Variants in DHX37 observed in about 807,000 individuals in gnomAD.
DHX37 encodes probable ATP-dependent RNA helicase DHX37.
Under a neutral mutation model 134.3 loss-of-function variants are expected in DHX37, and 52 were observed. The ratio of observed to expected loss-of-function variants is 0.39; its 90% confidence interval spans 0.31 to 0.49. The LOEUF (loss-of-function observed/expected upper bound fraction) is 0.49. Ranked by LOEUF, DHX37 falls within the 20% of genes least tolerant of loss-of-function variation. The probability of loss-of-function intolerance (pLI) is 0.93; values close to 1 mark genes in which losing one functional copy is unlikely to be tolerated. For missense variants in DHX37, 1,344 were observed against 1,580.8 expected, an observed-to-expected ratio of 0.85 and a Z score of 2.54; for synonymous variants, 634 against 670.7, an observed-to-expected ratio of 0.95 and a Z score of 0.85.
chr12:124,967,337 G>C, intron 10 of DHX37, 119 bp from the exon 11 acceptor site: 1 of 1,097,008 alleles, frequency 9.1e-7, no homozygotes, highest in Non-Finnish European at 1.3e-6. Context: ...GGGGAGGACA[G>C]GAGTACACAG....
rs201747826 is a variant in DHX37 at position 124,980,596 on chromosome 12, G to A, written c.632C>T (p.Pro211Leu). Reference sequence around the variant, plus strand: ...AGGAGGAGGAACAGTCATCCCAGCCGGCACGGGCTGACTGCTGGGTGCTGG... The same window carrying A: ...AGGAGGAGGAACAGTCATCCCAGCCAGCACGGGCTGACTGCTGGGTGCTGG... ...PAPAPSSQPVPAGMTVPPPPA... is the reference protein window; with the variant it reads ...PAPAPSSQPVLAGMTVPPPPA... Residue 211 changes from proline (P) to leucine (L), a missense_variant, in exon 4 of 27, where the codon CCG becomes CTG. By Grantham distance (98) the Pro-to-Leu change is moderately conservative. Transcript: ENST00000308736. This position sits in a 1 kb window ranked among gnomAD's most constrained non-coding sequence, Gnocchi z 5.3. The A allele has an allele frequency of 1.5e-4, 249 of 1,610,670 alleles. 2 individuals are homozygous for A. In the South Asian group the frequency reaches 2.1e-3, roughly 13 times the overall value.
intron 8 of DHX37, among the ~76,000 whole-genome samples, chr12:124,970,829 G>GC (rs1476341106): frequency 6.6e-6 from 1 of 150,772 alleles, no homozygotes; most frequent in African/African-American, 2.4e-5. Context: ...ATGAAGCCGC[G>GC]CCCCAGGGTG....
At chr12:124,965,994 C>A (rs922346719) in intron 12 of DHX37, among the ~76,000 whole-genome samples, 182 bp from the exon 13 acceptor site, 4 of 152,346 alleles carry the variant, frequency 2.6e-5, no homozygotes, top group Non-Finnish European at 4.4e-5. Context: ...ACATTGGGGA[C>A]TATCATAGAC....
At chr12:124,975,562 T>G in intron 5 of DHX37, 51 bp from the exon 6 acceptor site, 1 of 1,582,584 alleles carries the variant, frequency 6.3e-7, no homozygotes, top group Non-Finnish European at 8.6e-7. Context: ...CACCTGTTCA[T>G]GCCAAAGCCT....
chr12:124,980,011 T>C lies in DHX37; in HGVS notation c.738+479A>G, dbSNP rs1954722836. ...CTTTCCATGCCCCAAATCCTTTCAT[T>C]GTCATCACAACCCAGTGAGACACTC... is the stretch of plus-strand genomic sequence containing the variant. On this transcript the variant is annotated intron_variant, in intron 4 of 26. Transcript: ENST00000308736. This position sits in a 1 kb window ranked among gnomAD's most constrained non-coding sequence, Gnocchi z 5.3. 6.6e-6 allele frequency among the ~76,000 whole-genome samples: 1 copy of C among 152,238 alleles called. No individual in the cohort carries two copies. Among genetic ancestry groups the C allele is most frequent in the Non-Finnish European group, 1.5e-5 (1 of 68,038 alleles).
chr12:124,977,349 A>G lies in DHX37; in HGVS notation c.880T>C (p.Phe294Leu). The change falls in exon 5 of 27, where the codon TTC becomes CTC. Residue 294 changes from phenylalanine to leucine, a missense_variant. Coordinates refer to ENST00000308736, the MANE Select transcript of DHX37 (RefSeq NM_032656.4). ...QVPQFLYEAGFSSEDSIIGVT... is the reference protein window; with the variant it reads ...QVPQFLYEAGLSSEDSIIGVT... ...CCTGTGTCCAGCCCCTACCTGCTGA[A>G]GCCTGCTTCATAGAGAAACTGAGGC... 1 of 1,564,446 alleles carries G rather than the reference A, an allele frequency of 6.4e-7. No homozygotes were observed. The highest frequency in any genetic ancestry group is 8.6e-7 in the Non-Finnish European group (1 of 1,157,964).
chr12:124,947,996 C>T lies in DHX37; in HGVS notation c.3388+88G>A, dbSNP rs557330432. 2.3e-5 allele frequency: 37 copies of T among 1,613,488 alleles called. No individual in the cohort carries two copies. The East Asian group carries it at 4.7e-4, about 20-fold the overall frequency. On this transcript the variant is annotated intron_variant, in intron 26 of 26. Coordinates refer to ENST00000308736, the MANE Select transcript of DHX37 (RefSeq NM_032656.4). ...CGTGGGGCCAGATCCTTCTGCCAAG[C>T]CAGGGCTGACCGTGCACAAAGCACA...
intron 21 of DHX37, 149 bp from the exon 22 acceptor site, chr12:124,950,953 C>T (rs913879436): frequency 5.5e-5 from 66 of 1,198,666 alleles, no homozygotes; most frequent in South Asian, 1.7e-4. Context: ...CCCATCCACA[C>T]GCTGGAGTCT....
At position 124,954,156 on chromosome 12, in the gene DHX37, C is replaced by T; in HGVS notation, c.2509G>A (p.Ala837Thr). ...TRLKSKRARVAQMKRTWAGQG... is the reference protein window; with the variant it reads ...TRLKSKRARVTQMKRTWAGQG... ...CCTGCCCAGGTCCTCTTCATCTGGG[C>T]CACCCGGGCCCGCTTGCTCTTCAGC... Residue 837 changes from alanine to threonine, a missense_variant, in exon 19 of 27, where the codon GCC (alanine) becomes ACC (threonine). By Grantham distance (58) the Ala-to-Thr change is moderately conservative. Coordinates refer to ENST00000308736, the MANE Select transcript of DHX37 (RefSeq NM_032656.4). The T allele has an allele frequency of 6.2e-7, 1 of 1,612,200 alleles. No homozygotes were observed. The highest frequency in any genetic ancestry group is 8.5e-7 in the Non-Finnish European group (1 of 1,179,270).
In DHX37 at chr12:124,966,879, C is replaced by A; in HGVS notation, c.1505-1G>T. The A allele has an allele frequency of 6.2e-7, 1 of 1,614,228 alleles. No individual in the cohort carries two copies. Among genetic ancestry groups the A allele is most frequent in the South Asian group, 1.1e-5 (1 of 91,084 alleles). ...GAGTCTTTCTGATCGTCGTCCTTTT[C>A]TGGGAGAGGGGCAGGTTGGGGAGAA... On this transcript the variant is annotated splice_acceptor_variant, in intron 11 of 26. Transcript: ENST00000308736. LOFTEE classifies it high-confidence loss of function.
intron 6 of DHX37, among the ~76,000 whole-genome samples, chr12:124,973,726 C>T (rs1954569826): frequency 6.7e-6 from 1 of 150,238 alleles, no homozygotes; most frequent in Non-Finnish European, 1.5e-5. Context: ...ATGGCAACCT[C>T]CGCCTCTCGG....
In DHX37 at chr12:124,967,973, T is replaced by TG. The variant is rs571033130; in HGVS notation, c.1408+560dup. On this transcript the variant is annotated intron_variant, in intron 10 of 26. Transcript: ENST00000308736. ...TGTGGGACCTGTAATCCCAGCTACT[T>TG]GGGAGGCTGAGGCAGGAGAATCACT... 2.1e-3 allele frequency among the ~76,000 whole-genome samples: 314 copies of TG among 151,790 alleles called. 2 individuals carry two copies. Among genetic ancestry groups the TG allele is most frequent in the African/African-American group, 7.3e-3 (300 of 41,354 alleles).
chr12:124,950,100 G>A (rs1438207055), intron 24 of DHX37, 41 bp from the exon 25 acceptor site: 1 of 1,613,806 alleles, frequency 6.2e-7, no homozygotes, highest in Non-Finnish European at 8.5e-7. Context: ...CCGGGCTGCT[G>A]CTGCCCACGG....
At chr12:124,974,139 A>G (rs1186291288) in intron 6 of DHX37, among the ~76,000 whole-genome samples, 1 of 150,788 alleles carries the variant, frequency 6.6e-6, no homozygotes, top group Non-Finnish European at 1.5e-5. Context: ...ATTTTTTTCA[A>G]GAGATGGGGT....
intron 2 of DHX37, among the ~76,000 whole-genome samples, chr12:124,984,856 C>G (rs1280020535): frequency 2.0e-5 from 3 of 152,202 alleles, no homozygotes; most frequent in African/African-American, 7.2e-5. Context: ...GAACGTGACC[C>G]TATTTGGAAA....
chr12:124,982,461 T>C (rs548322858), intron 3 of DHX37, 50 bp downstream of exon 3: 2 of 1,604,086 alleles, frequency 1.2e-6, no homozygotes, highest in East Asian at 2.3e-5. Flanking sequence ...GCGCCCTCCC[T>C]AGGGGGCCCT....
At chr12:124,975,555 C>G in intron 5 of DHX37, 44 bp from the exon 6 acceptor site, 1 of 1,590,986 alleles carries the variant, frequency 6.3e-7, no homozygotes, top group South Asian at 1.1e-5. Context: ...GCGGCCCCAC[C>G]TGTTCATGCC....
chr12:124,984,478 C>T (rs967092312), intron 2 of DHX37, among the ~76,000 whole-genome samples: 14 of 151,608 alleles, frequency 9.2e-5, no homozygotes, highest in East Asian at 1.9e-4. Flanking sequence ...GGTTGCGGTG[C>T]GCCGAGATCA....
chr12:124,987,581 C>T (rs1044543313), intron 1 of DHX37, among the ~76,000 whole-genome samples: 4 of 152,204 alleles, frequency 2.6e-5, no homozygotes, highest in Non-Finnish European at 2.9e-5. Context: ...GCCATCATAA[C>T]GGTTGTCACC....
Sources: gnomAD v4.1 joint callset for allele counts (sites outside exome capture counted in the v4.1 genomes callset) on GRCh38, gnomAD v4.1.1 for gene constraint, Gnocchi (gnomAD v3.1) non-coding constraint, MANE v1.5 for transcripts, NCBI Gene and HGNC (gene_info 2026-07-23, HGNC 2026-07-21) for gene names.